CLUL1: variants seen among roughly 807,000 people sequenced by gnomAD.
CLUL1 encodes clusterin-like protein 1.
CLUL1 carries 43 observed loss-of-function variants against 49.4 expected under a neutral mutation model. The ratio of observed to expected loss-of-function variants is 0.87; its 90% CI spans 0.68 to 1.12. The LOEUF is 1.12. CLUL1 is among the 50% of genes most tolerant of loss of function. CLUL1 has a pLI of 0.00. For missense variants in CLUL1, 486 were observed against 544.4 expected (o/e 0.89, Z 1.07); for synonymous variants, 192 against 184.9 (o/e 1.04, Z -0.31).
At chr18:626,220 C>T (rs1430468466) in intron 5 of CLUL1, among the ~76,000 whole-genome samples, 1 of 152,160 alleles carries the variant, frequency 6.6e-6, no homozygotes, top group Admixed American at 6.5e-5. Context: ...TCAAGTGATT[C>T]TCCTGCCTCA....
intron 6 of CLUL1, 77 bp from the exon 7 acceptor site, chr18:633,221 A>G: frequency 7.9e-7 from 1 of 1,263,092 alleles, no homozygotes; most frequent in Non-Finnish European, 1.1e-6. Flanking sequence ...TGGTAAGAAA[A>G]AGCTGCGGCA....
At chr18:602,973 G>A (rs112142482) in intron 1 of CLUL1, among the ~76,000 whole-genome samples, 1,598 of 152,310 alleles carry the variant, frequency 0.01, 36 homozygotes, top group African/African-American at 0.036. Flanking sequence ...GTAGGTAATT[G>A]TAAAGCATTT....
Position 627,210 on chromosome 18 carries a change from A to G in CLUL1, c.537A>G (p.Gln179=). ...TTGAGGAAGATGCACAATTGACCCA[A>G]ATGGAGGATGTGTTCAGCCAGTTGA... ...KLIEEDAQLT[Q]MEDVFSQLTV... The change falls in exon 6 of 10, where the codon CAA becomes CAG. Residue 179 remains glutamine (Q), a synonymous_variant. Coordinates refer to ENST00000692774, the MANE Select transcript of CLUL1 (RefSeq NM_001393344.1). 6.2e-7 allele frequency: 1 copy of G among 1,613,848 alleles called. No homozygotes were observed. Among genetic ancestry groups the G allele is most frequent in the African/African-American group, 1.3e-5 (1 of 74,966 alleles).
intron 7 of CLUL1, among the ~76,000 whole-genome samples, chr18:633,778 G>A (rs1318067857): frequency 2.0e-5 from 3 of 149,294 alleles, no homozygotes; most frequent in African/African-American, 5.0e-5. Context: ...GGGAAAAATG[G>A]TTATGACAGA....
At chr18:617,917 G>T (rs1281727856) in intron 2 of CLUL1, 71 bp from the exon 3 acceptor site, 8 of 1,329,552 alleles carry the variant, frequency 6.0e-6, no homozygotes, top group Non-Finnish European at 8.5e-6. Flanking sequence ...AGCCCCAGGT[G>T]TTTTCAATTG....
At chr18:626,742 T>A (rs1001299013) in intron 5 of CLUL1, among the ~76,000 whole-genome samples, 7 of 149,436 alleles carry the variant, frequency 4.7e-5, no homozygotes. Context: ...GCAACTGTAA[T>A]CCCAGCTACT....
rs1351471084 is a variant in CLUL1 at position 641,552 on chromosome 18, G to T, written c.1209+11G>T. The T allele has an allele frequency of 2.5e-6, 4 of 1,609,186 alleles. No homozygotes were observed. The African/African-American group carries it at 4.0e-5, about 16-fold the overall frequency. ...TTTAATTCAATACAGGTAAAGGAGAGACCCAAGAGCAGATACGGAAATGAC... is the reference window on the plus strand; with the variant it reads ...TTTAATTCAATACAGGTAAAGGAGATACCCAAGAGCAGATACGGAAATGAC... On this transcript the variant is annotated intron_variant, in intron 8 of 9. Coordinates refer to ENST00000692774, the MANE Select transcript of CLUL1 (RefSeq NM_001393344.1).
rs780278547 is a variant in CLUL1 at position 606,254 on chromosome 18, C to T, written c.-135-724C>T. 6.6e-6 allele frequency among the ~76,000 whole-genome samples: 1 copy of T among 152,148 alleles called. No homozygotes were observed. The highest frequency in any genetic ancestry group is 1.5e-5 in the Non-Finnish European group (1 of 68,020). ...TGCAGACCCACAACAGGGAGAAGGA[C>T]GGCCACAGTCCCTCAATCCCCCTTT... On this transcript the variant is annotated intron_variant, in intron 1 of 9. Transcript: ENST00000692774. The surrounding 1 kb of genome is among the most constrained non-coding windows in gnomAD (Gnocchi z 4.1).
chr18:619,601 GC>G (rs1191062977), intron 4 of CLUL1, among the ~76,000 whole-genome samples: 2 of 152,080 alleles, frequency 1.3e-5, no homozygotes, highest in Non-Finnish European at 2.9e-5. Flanking sequence ...TTTAAGTGCT[GC>G]TTTCTCAAAA....
Position 606,908 on chromosome 18 carries a change from C to A in CLUL1, c.-135-70C>A. The A allele has an allele frequency of 5.1e-6, 3 of 585,002 alleles. No homozygotes were observed. The highest frequency in any genetic ancestry group is 9.1e-6 in the Non-Finnish European group (3 of 330,002). 36.2% of individuals were successfully genotyped at this position (585,002 alleles called of 1,614,324 possible). ...TCAGTGCTCACTACTTTGCAGTGTT[C>A]ATAGAATATTTGTAATAATTTTAGG... On this transcript the variant is annotated intron_variant, in intron 1 of 9. Coordinates refer to ENST00000692774, the MANE Select transcript of CLUL1 (RefSeq NM_001393344.1). The surrounding 1 kb of genome is among the most constrained non-coding windows in gnomAD (Gnocchi z 4.1).
At chr18:601,345 C>G (rs2143915393) in intron 1 of CLUL1, among the ~76,000 whole-genome samples, 1 of 152,144 alleles carries the variant, frequency 6.6e-6, no homozygotes, top group Non-Finnish European at 1.5e-5. Context: ...CTGTTGTCAT[C>G]TGACTTAGAT....
At chr18:632,336 G>A (rs199932876) in intron 6 of CLUL1, among the ~76,000 whole-genome samples, 21 of 35,842 alleles carry the variant, frequency 5.9e-4, no homozygotes, top group East Asian at 2.6e-3. Context: ...GTATATATAT[G>A]TGTGTGTGTG....
chr18:615,828 C>T (rs2073270126), intron 2 of CLUL1, among the ~76,000 whole-genome samples: 1 of 152,190 alleles, frequency 6.6e-6, no homozygotes, highest in African/African-American at 2.4e-5. Context: ...AGGCAGCTGA[C>T]ATGGGGTGTG....
intron 2 of CLUL1, among the ~76,000 whole-genome samples, chr18:613,604 G>A (rs908257272): frequency 4.0e-5 from 6 of 151,062 alleles, no homozygotes; most frequent in Non-Finnish European, 7.4e-5. Flanking sequence ...ACAGGCACCT[G>A]CCACCACCCC....
chr18:599,940 T>G (rs907392580), intron 1 of CLUL1, among the ~76,000 whole-genome samples: 2 of 136,096 alleles, frequency 1.5e-5, no homozygotes, highest in Admixed American at 7.3e-5. Flanking sequence ...AGAGCCAGAC[T>G]TCATCTCAAA....
At chr18:616,782 A>C in intron 2 of CLUL1, 1 of 779,956 alleles carries the variant, frequency 1.3e-6, no homozygotes, top group Non-Finnish European at 1.6e-6. Context: ...CACTATATTA[A>C]TAAGTTTTGT....
At chr18:637,842 T>C (rs2074198119) in intron 7 of CLUL1, among the ~76,000 whole-genome samples, 1 of 151,964 alleles carries the variant, frequency 6.6e-6, no homozygotes, top group African/African-American at 2.4e-5. Flanking sequence ...GATATGGTGG[T>C]ATGAACCTGT....
chr18:645,726 A>G (rs112114245), intron 9 of CLUL1, among the ~76,000 whole-genome samples: 4,069 of 139,144 alleles, frequency 0.029, 107 homozygotes, highest in East Asian at 0.047. Context: ...CCCGGGAGGC[A>G]GAGCTTGCAG....
At position 627,682 on chromosome 18, in the gene CLUL1, T is replaced by C. The variant is rs1339353062; in HGVS notation, c.856+153T>C. ...TGTTTCAGAGCCTCTTAAAAGAAGCTTTGAAGTCTGCTAAACACCATCCCT... is the reference window on the plus strand; with the variant it reads ...TGTTTCAGAGCCTCTTAAAAGAAGCCTTGAAGTCTGCTAAACACCATCCCT... On this transcript the variant is annotated intron_variant, in intron 6 of 9. Coordinates refer to ENST00000692774, the MANE Select transcript of CLUL1 (RefSeq NM_001393344.1). The C allele has an allele frequency of 3.0e-5, 18 of 607,090 alleles. No homozygotes were observed. In the Admixed American group the frequency reaches 5.6e-4, roughly 19 times the overall value. 37.6% of individuals were successfully genotyped at this position (607,090 alleles called of 1,614,324 possible). A position where few individuals can be genotyped will look rare whatever the true frequency, so the allele number is the denominator to read the frequency against.
Sources: gnomAD v4.1 joint callset for allele counts (sites outside exome capture counted in the v4.1 genomes callset) on GRCh38, gnomAD v4.1.1 for gene constraint, Gnocchi (gnomAD v3.1) non-coding constraint, MANE v1.5 for transcripts, NCBI Gene and HGNC (gene_info 2026-07-23, HGNC 2026-07-21) for gene names.